Variants in TENM2 observed in about 807,000 individuals in gnomAD.
TENM2 encodes teneurin-2.
Under a neutral mutation model 245.2 loss-of-function variants are expected in TENM2, and 52 were observed. That is an observed-to-expected ratio of 0.21 (90% CI 0.17 to 0.27). The LOEUF is 0.27. TENM2 is among the 10% of genes least tolerant of loss of function. TENM2 has a pLI of 1.00. For synonymous variants in TENM2, 1,363 were observed against 1,438.9 expected (o/e 0.95, Z 1.19); for missense variants, 3,046 against 3,666.8 (o/e 0.83, Z 4.37).
At chr5:167,485,570 G>A in intron 2 of TENM2, among the ~76,000 whole-genome samples, 1 of 152,016 alleles carries the variant, frequency 6.6e-6, no homozygotes, top group East Asian at 1.9e-4. Flanking sequence ...ATGGAATTTG[G>A]GGCAGGAGGG....
At chr5:168,102,136 C>G (rs1392911617) in intron 9 of TENM2, among the ~76,000 whole-genome samples, 2 of 152,014 alleles carry the variant, frequency 1.3e-5, no homozygotes, top group East Asian at 3.9e-4. Flanking sequence ...TGTAATGGTG[C>G]AATCTCGGCT....
chr5:168,255,594 C>T (rs1767578403), intron 27 of TENM2, among the ~76,000 whole-genome samples: 2 of 152,142 alleles, frequency 1.3e-5, no homozygotes, highest in Admixed American at 6.6e-5. Flanking sequence ...CATGAGCCAC[C>T]ACGCCTGGCC....
intron 12 of TENM2, among the ~76,000 whole-genome samples, chr5:168,144,725 T>A (rs1755888137): frequency 6.6e-6 from 1 of 152,094 alleles, no homozygotes; most frequent in South Asian, 2.1e-4. Context: ...CAAATGGTAT[T>A]TCTAGTTCTA....
intron 2 of TENM2, among the ~76,000 whole-genome samples, chr5:167,534,340 C>T (rs1288823237): frequency 5.3e-5 from 8 of 152,084 alleles, no homozygotes; most frequent in Non-Finnish European, 1.0e-4. Flanking sequence ...TTTCAAAGAG[C>T]GTGAAAACCA....
chr5:168,028,480 T>G (rs749095768), intron 5 of TENM2, among the ~76,000 whole-genome samples: 2 of 152,124 alleles, frequency 1.3e-5, no homozygotes, highest in Non-Finnish European at 2.9e-5. Flanking sequence ...GAACTCTACT[T>G]CTTCAAGCTT....
At chr5:167,709,855 AAG>A (rs769584687) in intron 2 of TENM2, among the ~76,000 whole-genome samples, 5 of 152,250 alleles carry the variant, frequency 3.3e-5, no homozygotes, top group South Asian at 2.1e-4. Context: ...GAGAGAGAGA[AAG>A]AGAGAGAGGG....
chr5:168,173,216 T>C (rs1440847217), intron 13 of TENM2, among the ~76,000 whole-genome samples: 4 of 152,126 alleles, frequency 2.6e-5, no homozygotes, highest in East Asian at 1.9e-4. Context: ...GGCTAAACTA[T>C]AGAGTCCCCG....
intron 7 of TENM2, among the ~76,000 whole-genome samples, chr5:168,073,473 C>A (rs1388607861): frequency 6.6e-6 from 1 of 152,202 alleles, no homozygotes; most frequent in Non-Finnish European, 1.5e-5. Context: ...TTGACCGAAA[C>A]TCTGCTTTGC....
intron 2 of TENM2, among the ~76,000 whole-genome samples, chr5:167,396,693 C>T (rs1320605720): frequency 6.6e-6 from 1 of 152,102 alleles, no homozygotes; most frequent in East Asian, 1.9e-4. Context: ...GTAACTACTC[C>T]AGGGAAAGTA....
At chr5:167,850,148 G>A (rs1487385771) in intron 2 of TENM2, among the ~76,000 whole-genome samples, 1 of 152,132 alleles carries the variant, frequency 6.6e-6, no homozygotes, top group East Asian at 1.9e-4. Context: ...CTCATGAGAA[G>A]ACAAAAGACT....
chr5:167,430,518 C>T (rs565631004), intron 2 of TENM2, among the ~76,000 whole-genome samples: 3 of 152,044 alleles, frequency 2.0e-5, no homozygotes, highest in Non-Finnish European at 4.4e-5. Flanking sequence ...TTTGGGCTTC[C>T]GGAGATGGCG....
chr5:167,807,092 C>T lies in TENM2; in HGVS notation c.503-68894C>T, dbSNP rs144079803. On this transcript the variant is annotated intron_variant, in intron 2 of 28. Transcript: ENST00000518659. ...AGCCCCCATCATAAATCATATTATT[C>T]GACTGCACAGTTTGGCCCAAAGCCC... Among the ~76,000 whole-genome samples the T allele has an allele frequency of 1.4e-4, 16 of 117,500 alleles. No individual in the cohort carries two copies. The East Asian group carries it at 4.7e-3, about 35-fold the overall frequency. 77.1% of individuals were successfully genotyped at this position (117,500 alleles called of 152,430 possible).
intron 2 of TENM2, among the ~76,000 whole-genome samples, chr5:167,742,795 AAAG>A (rs1289057762): frequency 3.3e-5 from 5 of 151,666 alleles, no homozygotes; most frequent in Non-Finnish European, 7.4e-5. Context: ...AAAAAAAAAA[AAAG>A]AAAGAAAGAA....
chr5:167,299,037 C>T (rs956337378), intron 1 of TENM2, among the ~76,000 whole-genome samples: 8 of 152,132 alleles, frequency 5.3e-5, no homozygotes, highest in African/African-American at 1.4e-4. Flanking sequence ...TGTAGCATTC[C>T]GAGGACAGGC....
the TENM2 span, among the ~76,000 whole-genome samples, chr5:167,257,461 C>T: frequency 1.3e-5 from 2 of 151,826 alleles, no homozygotes; most frequent in Non-Finnish European, 2.9e-5. Flanking sequence ...TTGGGTATAT[C>T]CTAATTCCTT....
intron 7 of TENM2, among the ~76,000 whole-genome samples, chr5:168,074,161 A>G (rs929262308): frequency 1.3e-5 from 2 of 152,086 alleles, no homozygotes; most frequent in Admixed American, 1.3e-4. Context: ...TTCCGTTGAG[A>G]CACTTTACCC....
At chr5:167,440,908 G>A (rs1435456075) in intron 2 of TENM2, among the ~76,000 whole-genome samples, 1 of 152,006 alleles carries the variant, frequency 6.6e-6, no homozygotes, top group African/African-American at 2.4e-5. Flanking sequence ...GTATCCAATC[G>A]GTCATTTGTA....
intron 2 of TENM2, among the ~76,000 whole-genome samples, chr5:167,585,951 C>T (rs1198507073): frequency 2.0e-5 from 3 of 151,944 alleles, no homozygotes; most frequent in East Asian, 1.9e-4. Flanking sequence ...ATGGCGAAAC[C>T]GCATCTCTAC....
the TENM2 span, among the ~76,000 whole-genome samples, chr5:167,176,939 A>C: frequency 5.5e-3 from 841 of 152,318 alleles, 10 homozygotes; most frequent in African/African-American, 0.019. Flanking sequence ...CCTTAGGTAC[A>C]TTGACCTGAG....
Sources: gnomAD v4.1 joint callset for allele counts (sites outside exome capture counted in the v4.1 genomes callset) on GRCh38, gnomAD v4.1.1 for gene constraint, MANE v1.5 for transcripts, NCBI Gene and HGNC (gene_info 2026-07-23, HGNC 2026-07-21) for gene names.